ACBD6: variants seen among roughly 807,000 people sequenced by gnomAD.
The protein encoded by ACBD6 is acyl-CoA-binding domain-containing protein 6.
Under a neutral mutation model 37.2 loss-of-function variants are expected in ACBD6, and 28 were observed. That is an observed-to-expected ratio of 0.75 (90% CI 0.56 to 1.03). ACBD6 has a LOEUF of 1.03. Ranked by LOEUF, ACBD6 falls within the 50% of genes least tolerant of loss-of-function variation. The pLI, the probability that ACBD6 is intolerant of heterozygous loss-of-function variation, is 0.00. For synonymous variants in ACBD6, 113 were observed against 126.8 expected (o/e 0.89, Z 0.73); for missense variants, 340 against 337.4 (o/e 1.01, Z -0.06).
intron 6 of ACBD6, among the ~76,000 whole-genome samples, chr1:180,379,492 AAC>A (rs1488964801): frequency 6.6e-6 from 1 of 152,216 alleles, no homozygotes; most frequent in East Asian, 1.9e-4. Flanking sequence ...TCTGAAAAAC[AAC>A]ACACAGAAAT....
intron 6 of ACBD6, among the ~76,000 whole-genome samples, chr1:180,345,191 C>T (rs551486969): frequency 7.2e-4 from 109 of 152,298 alleles, no homozygotes; most frequent in African/African-American, 2.4e-3. Context: ...TTCTATAACA[C>T]TATTCAGTAA....
intron 5 of ACBD6, 44 bp downstream of exon 5, chr1:180,413,319 GAAC>G (rs771235885): frequency 6.8e-7 from 1 of 1,473,280 alleles, no homozygotes; most frequent in South Asian, 1.1e-5. Flanking sequence ...CACTGGGGCA[GAAC>G]AACCATGCAT....
intron 6 of ACBD6, among the ~76,000 whole-genome samples, chr1:180,392,945 T>C (rs1465949683): frequency 1.3e-5 from 2 of 152,212 alleles, no homozygotes; most frequent in African/African-American, 4.8e-5. Context: ...TACACAGTAC[T>C]GACACATACA....
At chr1:180,442,016 T>C (rs1055052195) in intron 3 of ACBD6, among the ~76,000 whole-genome samples, 2 of 152,226 alleles carry the variant, frequency 1.3e-5, no homozygotes, top group South Asian at 2.1e-4. Context: ...TTTACCTTCA[T>C]TTTTGAAAGC....
chr1:180,286,608 T>C (rs930949554), downstream of ACBD6, among the ~76,000 whole-genome samples: 8 of 150,336 alleles, frequency 5.3e-5, no homozygotes, highest in African/African-American at 2.0e-4. Flanking sequence ...AAACAGCAGG[T>C]TGCAATGTAG....
chr1:180,372,003 G>A (rs1165389567), intron 6 of ACBD6, among the ~76,000 whole-genome samples: 1 of 152,128 alleles, frequency 6.6e-6, no homozygotes, highest in African/African-American at 2.4e-5. Context: ...AGTTGAACCT[G>A]AGTGGCAATA....
intron 6 of ACBD6, among the ~76,000 whole-genome samples, chr1:180,390,615 T>C (rs952035909): frequency 1.3e-5 from 2 of 152,194 alleles, no homozygotes; most frequent in Non-Finnish European, 2.9e-5. Flanking sequence ...TTTCACAATA[T>C]TGATTCTTCC....
chr1:180,318,163 G>GCC (rs1553291888), intron 6 of ACBD6, among the ~76,000 whole-genome samples: 875 of 31,214 alleles, frequency 0.028, 41 homozygotes, highest in South Asian at 0.03. Context: ...TTCCATCTCC[G>GCC]CCCCCCCCCC....
At chr1:180,304,030 GA>G (rs1376160449) in intron 7 of ACBD6, among the ~76,000 whole-genome samples, 2 of 150,808 alleles carry the variant, frequency 1.3e-5, no homozygotes, top group Non-Finnish European at 3.0e-5. Context: ...AGTAGATGCA[GA>G]AAAGGCCTTT....
chr1:180,448,710 C>T (rs1285626835), intron 3 of ACBD6, among the ~76,000 whole-genome samples: 1 of 152,180 alleles, frequency 6.6e-6, no homozygotes, highest in Non-Finnish European at 1.5e-5. Context: ...TTAGCTTTAC[C>T]TGTTGGCTAT....
intron 7 of ACBD6, among the ~76,000 whole-genome samples, chr1:180,289,122 C>G (rs1249602010): frequency 6.7e-6 from 1 of 148,586 alleles, no homozygotes; most frequent in Non-Finnish European, 1.5e-5. Flanking sequence ...GTAGAGATAT[C>G]AAGACTTATA....
chr1:180,454,954 C>G (rs1233738552), intron 3 of ACBD6, among the ~76,000 whole-genome samples: 2 of 152,166 alleles, frequency 1.3e-5, no homozygotes, highest in Non-Finnish European at 2.9e-5. Flanking sequence ...TTGTGGAAGT[C>G]AGTGTGGCGA....
At chr1:180,488,177 C>T (rs1651350630) in intron 3 of ACBD6, among the ~76,000 whole-genome samples, 2 of 151,916 alleles carry the variant, frequency 1.3e-5, no homozygotes, top group African/African-American at 2.4e-5. Flanking sequence ...ATATAACCAG[C>T]AGTGAATCTG....
chr1:180,466,210 G>T (rs1650342595), intron 3 of ACBD6, among the ~76,000 whole-genome samples: 1 of 151,962 alleles, frequency 6.6e-6, no homozygotes, highest in African/African-American at 2.4e-5. Context: ...ATACTATTTT[G>T]GGAGTAAAGG....
intron 4 of ACBD6, among the ~76,000 whole-genome samples, chr1:180,427,301 C>T (rs889769374): frequency 6.6e-6 from 1 of 152,108 alleles, no homozygotes; most frequent in Non-Finnish European, 1.5e-5. Context: ...TATTTTATGT[C>T]CTTTTTTAAA....
intron 7 of ACBD6, among the ~76,000 whole-genome samples, chr1:180,299,321 G>T (rs1018675612): frequency 6.6e-5 from 10 of 152,120 alleles, no homozygotes; most frequent in African/African-American, 2.4e-4. Context: ...AATTAATGAG[G>T]GGATATACTG....
At chr1:180,463,268 C>T (rs540324082) in intron 3 of ACBD6, among the ~76,000 whole-genome samples, 28 of 151,960 alleles carry the variant, frequency 1.8e-4, no homozygotes, top group African/African-American at 5.5e-4. Flanking sequence ...TTCAAAAGAT[C>T]GATGAATCCA....
At chr1:180,419,491 A>G (rs1648257747) in intron 4 of ACBD6, among the ~76,000 whole-genome samples, 1 of 152,158 alleles carries the variant, frequency 6.6e-6, no homozygotes, top group South Asian at 2.1e-4. Context: ...ACAGTACCCA[A>G]TGGACTAGTG....
intron 7 of ACBD6, among the ~76,000 whole-genome samples, chr1:180,292,287 G>A (rs973311933): frequency 1.3e-5 from 2 of 152,104 alleles, no homozygotes; most frequent in Non-Finnish European, 2.9e-5. Context: ...ACAATACTGA[G>A]TCTTTTGATC....
Sources: allele counts gnomAD v4.1 joint callset (sites outside exome capture counted in the v4.1 genomes callset), GRCh38; gene constraint gnomAD v4.1.1; transcripts MANE v1.5; gene names NCBI Gene and HGNC (gene_info 2026-07-23, HGNC 2026-07-21).